Variants in WDPCP observed in about 807,000 individuals in gnomAD.
WDPCP encodes the protein WD repeat-containing and planar cell polarity effector protein fritz homolog.
In WDPCP, 71 loss-of-function variants were observed where a neutral mutation model predicts 93.1. The observed-to-expected ratio is 0.76, with a 90% CI of 0.63 to 0.93. The LOEUF (loss-of-function observed/expected upper bound fraction) is 0.93. Ranked by LOEUF, WDPCP falls within the 40% of genes least tolerant of loss-of-function variation. WDPCP has a pLI of 0.00. For synonymous variants in WDPCP, 315 were observed against 315.0 expected (o/e 1.00, Z 0.00); for missense variants, 844 against 887.4 (o/e 0.95, Z 0.62).
intron 7 of WDPCP, chr2:63,438,050 A>G (rs954256053): frequency 1.9e-4 from 235 of 1,238,168 alleles, no homozygotes; most frequent in Non-Finnish European, 2.3e-4. Flanking sequence ...GCTGGATGAA[A>G]TAAAGCATAT....
chr2:63,534,130 G>C (rs1575598279), intron 1 of WDPCP, among the ~76,000 whole-genome samples: 2 of 152,064 alleles, frequency 1.3e-5, no homozygotes, highest in East Asian at 3.9e-4. Context: ...ATAAATTCCT[G>C]GACACATACA....
intron 12 of WDPCP, among the ~76,000 whole-genome samples, chr2:63,321,382 C>T (rs1009779402): frequency 1.4e-5 from 2 of 143,486 alleles, no homozygotes; most frequent in South Asian, 2.3e-4. Context: ...CATATATATA[C>T]ACTCTGTGTG....
intron 13 of WDPCP, among the ~76,000 whole-genome samples, chr2:63,291,908 C>A (rs1241696310): frequency 2.0e-5 from 3 of 151,012 alleles, no homozygotes; most frequent in Admixed American, 6.6e-5. Flanking sequence ...CCGAGGAGGG[C>A]GGATCATGAG....
intron 15 of WDPCP, among the ~76,000 whole-genome samples, chr2:63,167,789 C>G (rs1218020990): frequency 6.6e-6 from 1 of 152,086 alleles, no homozygotes; most frequent in Non-Finnish European, 1.5e-5. Context: ...TTTCTTGTTA[C>G]TTTTTGCCTA....
chr2:63,258,127 T>C (rs1017463336), intron 14 of WDPCP, among the ~76,000 whole-genome samples: 1 of 152,198 alleles, frequency 6.6e-6, no homozygotes, highest in African/African-American at 2.4e-5. Context: ...ATTCAATAAA[T>C]ATTAAGTGCT....
At chr2:63,274,903 T>C (rs1682962996) in intron 13 of WDPCP, among the ~76,000 whole-genome samples, 1 of 152,186 alleles carries the variant, frequency 6.6e-6, no homozygotes, top group Non-Finnish European at 1.5e-5. Flanking sequence ...TCTCAAACTA[T>C]TTCAGAAGAC....
intron 14 of WDPCP, among the ~76,000 whole-genome samples, chr2:63,197,934 A>G (rs564602960): frequency 6.6e-6 from 1 of 152,318 alleles, no homozygotes; most frequent in South Asian, 2.1e-4. Flanking sequence ...CATGTAACGT[A>G]GCATATTGAC....
intron 2 of WDPCP, among the ~76,000 whole-genome samples, chr2:63,693,801 T>C (rs1668924834): frequency 6.6e-6 from 1 of 152,224 alleles, no homozygotes; most frequent in Admixed American, 6.5e-5. Flanking sequence ...AAGTCATTAT[T>C]GCATTTGCTG....
chr2:63,820,917 T>C lies in WDPCP; in HGVS notation n.222+6705A>G, dbSNP rs149634687. Among the ~76,000 whole-genome samples, 273 of 152,262 alleles carry C rather than the reference T, an allele frequency of 1.8e-3. 1 individual carries two copies. The highest frequency in any genetic ancestry group is 6.2e-3 in the African/African-American group (256 of 41,562). On this transcript the variant is annotated intron_variant and non_coding_transcript_variant, in intron 1 of 4. Transcript: ENST00000467687. Reference sequence around the variant, plus strand: ...TTAAAAACTATAGTATATATACTTATTTCTAAAACTTTAGCAACCATTTTG... The same window carrying C: ...TTAAAAACTATAGTATATATACTTACTTCTAAAACTTTAGCAACCATTTTG...
intron 2 of WDPCP, among the ~76,000 whole-genome samples, chr2:63,711,767 G>A (rs536903274): frequency 6.6e-6 from 1 of 152,066 alleles, no homozygotes; most frequent in African/African-American, 2.4e-5. Flanking sequence ...TTCTTAAAAC[G>A]AACCGACAAA....
intron 12 of WDPCP, among the ~76,000 whole-genome samples, chr2:63,320,066 A>G (rs983669290): frequency 6.6e-5 from 10 of 152,164 alleles, no homozygotes; most frequent in Non-Finnish European, 1.3e-4. Context: ...AGGGAAATCT[A>G]TAGCCTTACA....
rs1291139022 is a variant in WDPCP at position 63,259,217 on chromosome 2, A to G, written c.1915+90T>C. On this transcript the variant is annotated intron_variant, in intron 14 of 17. Transcript: ENST00000272321. ...TGTCTTTACAAACAAAGTAATTCAA[A>G]TTAACCATCCATGTCCTCCAAACAT... is the stretch of plus-strand genomic sequence containing the variant. 9 of 1,126,098 alleles carry G rather than the reference A, an allele frequency of 8.0e-6. No homozygotes were observed. The African/African-American group carries it at 1.4e-4, about 17-fold the overall frequency. 69.8% of individuals were successfully genotyped at this position (1,126,098 alleles called of 1,614,324 possible).
chr2:63,186,411 T>G (rs978602451), intron 14 of WDPCP, among the ~76,000 whole-genome samples: 3 of 152,244 alleles, frequency 2.0e-5, no homozygotes, highest in Non-Finnish European at 4.4e-5. Context: ...CTAATGCCCA[T>G]GGCTACTGTT....
chr2:63,660,610 C>G (rs984919878), intron 2 of WDPCP, among the ~76,000 whole-genome samples: 1 of 152,232 alleles, frequency 6.6e-6, no homozygotes, highest in Non-Finnish European at 1.5e-5. Context: ...TGCATGTACC[C>G]CCCTGTATCT....
intron 14 of WDPCP, among the ~76,000 whole-genome samples, chr2:63,206,039 T>C (rs1676312580): frequency 6.6e-6 from 1 of 152,236 alleles, no homozygotes; most frequent in East Asian, 1.9e-4. Context: ...GAAGTGATGT[T>C]GAATTTTATC....
chr2:63,579,863 A>G (rs185894998), intron 1 of WDPCP, among the ~76,000 whole-genome samples: 13 of 152,308 alleles, frequency 8.5e-5, no homozygotes, highest in Admixed American at 7.8e-4. Flanking sequence ...TAATAGTATT[A>G]AAAGGTGGGG....
intron 1 of WDPCP, among the ~76,000 whole-genome samples, chr2:63,578,375 A>G (rs776647954): frequency 2.2e-4 from 34 of 152,364 alleles, no homozygotes; most frequent in Middle Eastern, 3.4e-3. Flanking sequence ...CTCTGTCTTT[A>G]GGATGAAGAA....
Position 63,291,585 on chromosome 2 carries a change from G to T in WDPCP, c.1812+21663C>A, listed in dbSNP as rs554379537. 8.5e-5 allele frequency among the ~76,000 whole-genome samples: 13 copies of T among 152,288 alleles called. No individual in the cohort carries two copies. The East Asian group carries it at 1.2e-3, about 14-fold the overall frequency. On this transcript the variant is annotated intron_variant, in intron 13 of 17. Coordinates refer to ENST00000272321, the MANE Select transcript of WDPCP (RefSeq NM_015910.7). ...GCACTTTGGGAGGCTAAGGTGGGCA[G>T]ATCTCTTAAGGCCAGGAGTTTGAGA...
intron 2 of WDPCP, among the ~76,000 whole-genome samples, chr2:63,698,905 A>G (rs1303129471): frequency 6.6e-6 from 1 of 152,114 alleles, no homozygotes; most frequent in Non-Finnish European, 1.5e-5. Flanking sequence ...ATGCAGTTAT[A>G]CTCAGTATCT....
Sources: allele counts gnomAD v4.1 joint callset (sites outside exome capture counted in the v4.1 genomes callset), GRCh38; gene constraint gnomAD v4.1.1; transcripts MANE v1.5; gene names NCBI Gene and HGNC (gene_info 2026-07-23, HGNC 2026-07-21).